Variants in MAPK8 observed in about 807,000 individuals in gnomAD.
MAPK8 encodes the protein JUN N-terminal kinase.
Under a neutral mutation model 52.9 loss-of-function variants are expected in MAPK8, and 13 were observed. That is an observed-to-expected ratio of 0.25 (90% CI 0.16 to 0.39). The LOEUF is 0.39. Among genes scored for constraint, MAPK8 ranks in the 10% least tolerant of loss-of-function variants. The probability of loss-of-function intolerance (pLI) is 1.00; values close to 1 mark genes in which losing one functional copy is unlikely to be tolerated. For missense variants in MAPK8, 300 were observed against 519.2 expected (o/e 0.58, Z 4.10); for synonymous variants, 191 against 169.8 (o/e 1.12, Z -0.97).
intron 1 of MAPK8, among the ~76,000 whole-genome samples, chr10:48,330,802 C>G (rs1490636919): frequency 6.6e-6 from 1 of 152,154 alleles, no homozygotes; most frequent in African/African-American, 2.4e-5. Flanking sequence ...AGTCCCCTTC[C>G]CCCCGTAACT....
At chr10:48,410,425 T>C (rs985432101) in intron 5 of MAPK8, 3 of 314,278 alleles carry the variant, frequency 9.5e-6, no homozygotes, top group East Asian at 5.1e-5. Context: ...TCCATTTATA[T>C]GAAATACGGC....
chr10:48,317,546 T>C (rs1160609515), intron 1 of MAPK8, among the ~76,000 whole-genome samples: 2 of 152,198 alleles, frequency 1.3e-5, no homozygotes, highest in Non-Finnish European at 2.9e-5. Flanking sequence ...AGATTAGCTC[T>C]GAAGTGAACA....
chr10:48,407,979 A>G (rs1329038136), intron 3 of MAPK8, among the ~76,000 whole-genome samples: 4 of 152,144 alleles, frequency 2.6e-5, no homozygotes, highest in Non-Finnish European at 5.9e-5. Flanking sequence ...ATGCTTTCTT[A>G]TTATCATTTC....
At chr10:48,366,881 A>G (rs541238620) in intron 1 of MAPK8, among the ~76,000 whole-genome samples, 1 of 152,230 alleles carries the variant, frequency 6.6e-6, no homozygotes, top group Admixed American at 6.5e-5. Context: ...TGGCTTTTAA[A>G]AAAAAAAAAT....
rs2045033630 is a variant in MAPK8 at position 48,438,430 on chromosome 10, A to G, written c.*3401A>G. The G allele has an allele frequency of 1.3e-5, 2 of 152,230 alleles. No individual in the cohort carries two copies. Among genetic ancestry groups the G allele is most frequent in the Admixed American group, 1.3e-4 (2 of 15,292 alleles). The allele number at this position is 152,230 out of a possible 1,614,324, so 9.4% of individuals were successfully genotyped here. A position where few individuals can be genotyped will look rare whatever the true frequency, so the allele number is the denominator to read the frequency against. ...TACGATTAGAAAACTCGTAAGGAAA[A>G]CAGAAGTCCTAATTTCAAACTGACT... On this transcript the variant is annotated 3_prime_UTR_variant, in exon 12 of 12. Coordinates refer to ENST00000374189, the MANE Select transcript of MAPK8 (RefSeq NM_001323329.2).
Position 48,431,277 on chromosome 10 carries a change from T to G in MAPK8, c.1138+7T>G. On this transcript the variant is annotated splice_region_variant and intron_variant, in intron 11 of 11. Coordinates refer to ENST00000374189, the MANE Select transcript of MAPK8 (RefSeq NM_001323329.2). ...GGGCAGCCCTCTCCTTTAGGTTGGT[T>G]ACAATATAAGCTTGGTTAAGATTAC... 6.2e-7 allele frequency: 1 copy of G among 1,601,218 alleles called. No individual in the cohort carries two copies. The highest frequency in any genetic ancestry group is 8.6e-7 in the Non-Finnish European group (1 of 1,169,186).
intron 1 of MAPK8, among the ~76,000 whole-genome samples, chr10:48,370,935 T>C (rs1344482852): frequency 6.6e-6 from 1 of 152,128 alleles, no homozygotes; most frequent in Non-Finnish European, 1.5e-5. Context: ...AGACGCTATG[T>C]ACATTTAAGG....
At chr10:48,317,515 T>A (rs1842620693) in intron 1 of MAPK8, among the ~76,000 whole-genome samples, 1 of 152,048 alleles carries the variant, frequency 6.6e-6, no homozygotes, top group Admixed American at 6.5e-5. Context: ...GCTGACACAG[T>A]GGGTGCAGAC....
At chr10:48,431,568 A>G (rs1268208974) in intron 11 of MAPK8, among the ~76,000 whole-genome samples, 1 of 152,206 alleles carries the variant, frequency 6.6e-6, no homozygotes, top group African/African-American at 2.4e-5. Flanking sequence ...AAAATTCAAT[A>G]TACATACCTT....
intron 1 of MAPK8, among the ~76,000 whole-genome samples, chr10:48,381,940 G>A (rs376198814): frequency 2.0e-5 from 3 of 152,134 alleles, no homozygotes; most frequent in East Asian, 1.9e-4. Flanking sequence ...TTATGAAGGG[G>A]CAGGGCCTAT....
intron 1 of MAPK8, among the ~76,000 whole-genome samples, chr10:48,378,902 A>ACAGGC (rs2040828309): frequency 6.6e-6 from 1 of 152,102 alleles, no homozygotes; most frequent in Admixed American, 6.5e-5. Flanking sequence ...AGCTGGGCTT[A>ACAGGC]CAGGCACAAG....
intron 11 of MAPK8, among the ~76,000 whole-genome samples, chr10:48,431,491 C>T (rs567568743): frequency 6.6e-6 from 1 of 152,148 alleles, no homozygotes; most frequent in African/African-American, 2.4e-5. Flanking sequence ...TACTGACATT[C>T]TGAAGAACAG....
intron 6 of MAPK8, among the ~76,000 whole-genome samples, chr10:48,423,701 T>C (rs567564784): frequency 6.6e-6 from 1 of 152,310 alleles, no homozygotes; most frequent in South Asian, 2.1e-4. Context: ...AACTTCTAAA[T>C]AGTATAGTAT....
At chr10:48,355,434 A>C (rs974656141) in intron 1 of MAPK8, among the ~76,000 whole-genome samples, 1 of 148,810 alleles carries the variant, frequency 6.7e-6, no homozygotes, top group South Asian at 2.1e-4. Context: ...GCGTGAACCC[A>C]GGAGGCGGAG....
chr10:48,409,048 A>G (rs1237862599), intron 3 of MAPK8, among the ~76,000 whole-genome samples: 2 of 152,160 alleles, frequency 1.3e-5, no homozygotes, highest in East Asian at 1.9e-4. Context: ...TCCAAATACT[A>G]TCACATTGGG....
At chr10:48,368,883 A>G (rs1463851357) in intron 1 of MAPK8, among the ~76,000 whole-genome samples, 1 of 152,086 alleles carries the variant, frequency 6.6e-6, no homozygotes, top group Non-Finnish European at 1.5e-5. Context: ...TGTCTGCTTC[A>G]TTGCTCTGTG....
At chr10:48,397,053 G>A (rs1378918617) in intron 1 of MAPK8, among the ~76,000 whole-genome samples, 1 of 152,108 alleles carries the variant, frequency 6.6e-6, no homozygotes, top group Non-Finnish European at 1.5e-5. Context: ...CTATCAAAAT[G>A]AGGAAACTAA....
rs1456487014 is a variant in MAPK8 at position 48,438,314 on chromosome 10, T to C, written c.*3285T>C. 6 of 152,166 alleles carry C rather than the reference T, an allele frequency of 3.9e-5. No homozygotes were observed. The highest frequency in any genetic ancestry group is 8.8e-5 in the Non-Finnish European group (6 of 68,024). The allele number at this position is 152,166 out of a possible 1,614,324, so 9.4% of individuals were successfully genotyped here. On this transcript the variant is annotated 3_prime_UTR_variant, in exon 12 of 12. Transcript: ENST00000374189. ...TGTGTTTCTACTGATCTCTCTTAGG[T>C]TTTTACGGAATCAAAGGAAACTAAT...
At chr10:48,434,180 A>G (rs537720026) in intron 11 of MAPK8, among the ~76,000 whole-genome samples, 1 of 152,298 alleles carries the variant, frequency 6.6e-6, no homozygotes, top group East Asian at 1.9e-4. Context: ...GTTTGCTCTT[A>G]CTATATTTAA....
Sources: gnomAD v4.1 joint callset for allele counts (sites outside exome capture counted in the v4.1 genomes callset) on GRCh38, gnomAD v4.1.1 for gene constraint, MANE v1.5 for transcripts, NCBI Gene and HGNC (gene_info 2026-07-23, HGNC 2026-07-21) for gene names.